Variants in PLEKHA7 observed in about 807,000 individuals in gnomAD.
The protein encoded by PLEKHA7 is pleckstrin homology domain containing A7, also known as pleckstrin homology domain-containing family A member 7.
PLEKHA7 carries 104 observed loss-of-function variants against 170.0 expected under a neutral mutation model. That is an observed-to-expected ratio of 0.61 (90% CI 0.52 to 0.72). The LOEUF is 0.72. Ranked by LOEUF, PLEKHA7 falls within the 30% of genes least tolerant of loss-of-function variation. The pLI is 0.00. For missense variants in PLEKHA7, 1,615 were observed against 1,671.7 expected (o/e 0.97, Z 0.59); for synonymous variants, 648 against 660.8 (o/e 0.98, Z 0.30).
In PLEKHA7 at chr11:17,012,729, T is replaced by G. The variant is rs557028524; in HGVS notation, c.221+1260A>C. Among the ~76,000 whole-genome samples the G allele has an allele frequency of 3.5e-4, 54 of 152,268 alleles. 1 individual carries two copies. In the South Asian group the frequency reaches 0.011, roughly 31 times the overall value. ...GTGAACGTGTGGCACACAGGAAAATTGTAATAACATCAACTGATGCAGTTA... is the reference window on the plus strand; with the variant it reads ...GTGAACGTGTGGCACACAGGAAAATGGTAATAACATCAACTGATGCAGTTA... On this transcript the variant is annotated intron_variant, in intron 3 of 26. Coordinates refer to ENST00000531066, the MANE Select transcript of PLEKHA7 (RefSeq NM_001329630.2).
At chr11:16,886,088 C>T (rs1856079616) in intron 3 of PLEKHA7, among the ~76,000 whole-genome samples, 1 of 152,036 alleles carries the variant, frequency 6.6e-6, no homozygotes. Flanking sequence ...AGAAAGATAC[C>T]ACCACCAATT....
intron 3 of PLEKHA7, among the ~76,000 whole-genome samples, chr11:16,941,019 T>C (rs1860660967): frequency 6.6e-6 from 1 of 152,124 alleles, no homozygotes; most frequent in African/African-American, 2.4e-5. Context: ...GGCATGTCTT[T>C]CTCCAACTCA....
rs1193300811 is a variant in PLEKHA7 at position 16,777,376 on chromosome 11, ATTCAT to A, written c.*1617_*1621del. The A allele has an allele frequency of 1.3e-5, 2 of 152,212 alleles. No homozygotes were observed. The highest frequency in any genetic ancestry group is 2.9e-5 in the Non-Finnish European group (2 of 68,038). The allele number at this position is 152,212 out of a possible 1,614,324, so 9.4% of individuals were successfully genotyped here. A position where few individuals can be genotyped will look rare whatever the true frequency, so the allele number is the denominator to read the frequency against. ...TTAAATTAACTTTTTCTTGCAAAAT[ATTCAT>A]TTCATTTTTTCCAAGAAAATCTTAT... is the stretch of plus-strand genomic sequence containing the variant. On this transcript the variant is annotated 3_prime_UTR_variant, in exon 27 of 27. Transcript: ENST00000531066.
chr11:17,013,517 G>A (rs6486340), intron 3 of PLEKHA7, among the ~76,000 whole-genome samples: 95,312 of 151,728 alleles, frequency 0.63, 30,624 homozygotes, highest in East Asian at 0.96. Flanking sequence ...AGCCTGCGGC[G>A]GGAGAGGGGG....
chr11:17,014,337 T>C lies in PLEKHA7; in HGVS notation c.65A>G (p.Asp22Gly), dbSNP rs1168627853. ...PEHWSYGVCR[D>G]GRVFFINDQL... Reference sequence around the variant, plus strand: ...GCACTTGATGAAGAAGACGCGGCCATCCCGGCACACCCCGTAGGACCAATG... The same window carrying C: ...GCACTTGATGAAGAAGACGCGGCCACCCCGGCACACCCCGTAGGACCAATG... The change falls in exon 1 of 27, where the codon GAT becomes GGT. Residue 22 changes from aspartate (D) to glycine (G), a missense_variant. By Grantham distance (94) the Asp-to-Gly change is moderately conservative. Coordinates refer to ENST00000531066, the MANE Select transcript of PLEKHA7 (RefSeq NM_001329630.2). The C allele has an allele frequency of 2.8e-6, 4 of 1,419,284 alleles. No individual in the cohort carries two copies. Among genetic ancestry groups the C allele is most frequent in the South Asian group, 1.4e-5 (1 of 70,946 alleles). 87.9% of individuals were successfully genotyped at this position (1,419,284 alleles called of 1,614,324 possible). A position where few individuals can be genotyped will look rare whatever the true frequency, so the allele number is the denominator to read the frequency against.
intron 10 of PLEKHA7, among the ~76,000 whole-genome samples, chr11:16,822,705 G>A (rs73423165): frequency 0.042 from 6,319 of 152,092 alleles, 438 homozygotes; most frequent in African/African-American, 0.14. Flanking sequence ...GGTCCTCAGT[G>A]TTCTGTTGTT....
At chr11:16,832,416 G>C (rs754303114) in intron 9 of PLEKHA7, among the ~76,000 whole-genome samples, 5 of 152,174 alleles carry the variant, frequency 3.3e-5, no homozygotes, top group Non-Finnish European at 5.9e-5. Flanking sequence ...ATTTTCCCTT[G>C]CAAGTGGGAA....
intron 4 of PLEKHA7, among the ~76,000 whole-genome samples, chr11:16,863,538 T>C (rs1854144788): frequency 6.6e-6 from 1 of 152,120 alleles, no homozygotes; most frequent in Admixed American, 6.5e-5. Context: ...CTCTCAACCT[T>C]AGGCCCCACC....
In PLEKHA7 at chr11:16,826,657, C is replaced by G. The variant is rs1472335717; in HGVS notation, c.873-67G>C. 3 of 1,380,108 alleles carry G rather than the reference C, an allele frequency of 2.2e-6. No homozygotes were observed. In the African/African-American group the frequency reaches 4.2e-5, roughly 20 times the overall value. 85.5% of individuals were successfully genotyped at this position (1,380,108 alleles called of 1,614,324 possible). ...ACTCCATGATGAAATGCACTGTACA[C>G]TCAATCACCTGCAGGCCTTTGCACA... On this transcript the variant is annotated intron_variant, in intron 9 of 26. Coordinates refer to ENST00000531066, the MANE Select transcript of PLEKHA7 (RefSeq NM_001329630.2).
At position 16,791,361 on chromosome 11, in the gene PLEKHA7, G is replaced by A; in HGVS notation, c.2746-162C>T. On this transcript the variant is annotated intron_variant, in intron 19 of 26. Coordinates refer to ENST00000531066, the MANE Select transcript of PLEKHA7 (RefSeq NM_001329630.2). The surrounding 1 kb of genome is among the most constrained non-coding windows in gnomAD (Gnocchi z 4.5). ...GAGCACTCACACTTCCCCTGGCGGA[G>A]CAGTGAAGAAGGGACATGCTCTGCT... 1.5e-6 allele frequency: 1 copy of A among 664,488 alleles called. No homozygotes were observed. Among genetic ancestry groups the A allele is most frequent in the Non-Finnish European group, 2.6e-6 (1 of 387,524 alleles). 41.2% of individuals were successfully genotyped at this position (664,488 alleles called of 1,614,324 possible).
At chr11:16,970,610 T>C (rs552788084) in intron 3 of PLEKHA7, among the ~76,000 whole-genome samples, 222 of 152,144 alleles carry the variant, frequency 1.5e-3, no homozygotes, top group African/African-American at 5.1e-3. Flanking sequence ...GAGGCTGCAG[T>C]GAGCCGTAAT....
At chr11:16,821,732 T>C (rs1434426275) in intron 10 of PLEKHA7, among the ~76,000 whole-genome samples, 1 of 151,884 alleles carries the variant, frequency 6.6e-6, no homozygotes, top group Non-Finnish European at 1.5e-5. Flanking sequence ...AAAAAAAAAA[T>C]CTGGGACTAT....
chr11:16,821,769 A>C (rs188927788), intron 10 of PLEKHA7, among the ~76,000 whole-genome samples: 72 of 152,370 alleles, frequency 4.7e-4, no homozygotes, highest in South Asian at 8.3e-4. Flanking sequence ...AAAATACAAG[A>C]GGATAATCAG....
intron 3 of PLEKHA7, among the ~76,000 whole-genome samples, chr11:16,962,158 C>CA (rs1258056948): frequency 6.6e-6 from 1 of 152,190 alleles, no homozygotes; most frequent in Non-Finnish European, 1.5e-5. Context: ...GACTGATGTA[C>CA]ATGGTGGCAA....
At chr11:16,988,597 C>A (rs1329132255) in intron 3 of PLEKHA7, among the ~76,000 whole-genome samples, 1 of 152,170 alleles carries the variant, frequency 6.6e-6, no homozygotes, top group East Asian at 1.9e-4. Flanking sequence ...CAGGCACCCA[C>A]CACCATGCCC....
chr11:16,825,565 T>C (rs1850569591), intron 10 of PLEKHA7, among the ~76,000 whole-genome samples: 1 of 152,204 alleles, frequency 6.6e-6, no homozygotes, highest in South Asian at 2.1e-4. Context: ...GAAATTATAA[T>C]AAAATACAGA....
At chr11:16,907,562 G>T (rs1380788742) in intron 3 of PLEKHA7, among the ~76,000 whole-genome samples, 1 of 120,286 alleles carries the variant, frequency 8.3e-6, no homozygotes, top group East Asian at 2.3e-4. Flanking sequence ...GGAGGGAGGC[G>T]GGGGGGTCAG....
intron 3 of PLEKHA7, among the ~76,000 whole-genome samples, chr11:16,885,373 A>G (rs1856006968): frequency 6.6e-6 from 1 of 151,884 alleles, no homozygotes. Context: ...AAACTAAAGC[A>G]AGATGCCAGG....
chr11:16,909,246 G>T (rs974572481), intron 3 of PLEKHA7, among the ~76,000 whole-genome samples: 2 of 152,114 alleles, frequency 1.3e-5, no homozygotes, highest in Non-Finnish European at 2.9e-5. Flanking sequence ...GTGACCAAGA[G>T]GTGGTGTTTG....
Sources: allele counts gnomAD v4.1 joint callset (sites outside exome capture counted in the v4.1 genomes callset), GRCh38; gene constraint gnomAD v4.1.1; non-coding constraint Gnocchi (gnomAD v3.1); transcripts MANE v1.5; gene names NCBI Gene and HGNC (gene_info 2026-07-23, HGNC 2026-07-21).